The following LMBRD1 variants were observed in gnomAD, a reference collection of about 807,000 sequenced individuals.
LMBRD1 encodes the protein lysosomal cobalamin transport escort protein LMBD1.
Under a neutral mutation model 74.8 loss-of-function variants are expected in LMBRD1, and 64 were observed. The observed-to-expected ratio is 0.86, with a 90% confidence interval of 0.70 to 1.05. LMBRD1 has a LOEUF of 1.05. LMBRD1 is among the 50% of genes least tolerant of loss of function. The pLI is 0.00. For missense variants in LMBRD1, 652 were observed against 645.9 expected, an observed-to-expected ratio of 1.01 and a Z score of -0.10; for synonymous variants, 204 against 216.3, an observed-to-expected ratio of 0.94 and a Z score of 0.50.
intron 9 of LMBRD1, chr6:69,705,502 C>T (rs1766232872): frequency 1.1e-5 from 14 of 1,233,200 alleles, no homozygotes; most frequent in Middle Eastern, 2.7e-4. Flanking sequence ...GATTCTTACC[C>T]GTTTGATCTT....
In LMBRD1 at chr6:69,701,518, T is replaced by G. The variant is rs1766129690; in HGVS notation, c.1008A>C (p.Gly336=). 1 of 1,604,902 alleles carries G rather than the reference T, an allele frequency of 6.2e-7. No homozygotes were observed. The highest frequency in any genetic ancestry group is 1.7e-5 in the Admixed American group (1 of 59,556). The stretch of plus-strand genomic sequence containing the variant: ...CAAAAATTATGAAACCAGAATCTAT[T>G]CCAGCTGAATGAAGAGCTTTATCTA... ...SNLDKALHSA[G]IDSGFIIFGA... The change falls in exon 11 of 16, where the codon GGA becomes GGC. Residue 336 remains glycine (G), a synonymous_variant. Transcript: ENST00000649934.
At chr6:69,741,160 T>A (rs190054088) in intron 6 of LMBRD1, among the ~76,000 whole-genome samples, 1 of 152,280 alleles carries the variant, frequency 6.6e-6, no homozygotes, top group Non-Finnish European at 1.5e-5. Flanking sequence ...TTATTTTATA[T>A]TATCCTAAGT....
chr6:69,692,408 CA>C (rs1765906415), intron 14 of LMBRD1, among the ~76,000 whole-genome samples: 1 of 152,038 alleles, frequency 6.6e-6, no homozygotes, highest in Non-Finnish European at 1.5e-5. Flanking sequence ...CCAAATAAGA[CA>C]ACACAAGTTT....
At position 69,675,331 on chromosome 6, in the gene LMBRD1, T is replaced by C. The variant is rs1026441; in HGVS notation, c.*827A>G. On this transcript the variant is annotated 3_prime_UTR_variant, in exon 16 of 16. Transcript: ENST00000649934. ...TGTTCAAAATACCCTACTGATGTCATACAGCTTTCATTACATCTTTTGCAA... is the reference window on the plus strand; with the variant it reads ...TGTTCAAAATACCCTACTGATGTCACACAGCTTTCATTACATCTTTTGCAA... 0.34 allele frequency among the ~76,000 whole-genome samples: 51,512 copies of C among 152,044 alleles called. 9,797 individuals are homozygous for C. The highest frequency in any genetic ancestry group is 0.54 in the East Asian group (2,805 of 5,162).
intron 9 of LMBRD1, 48 bp downstream of exon 9, chr6:69,713,597 A>C (rs772512666): frequency 6.3e-7 from 1 of 1,596,598 alleles, no homozygotes; most frequent in Non-Finnish European, 8.6e-7. Context: ...GAGGTACTAC[A>C]TAAACTTGGG....
rs564100161 is a variant in LMBRD1 at position 69,768,898 on chromosome 6, A to G, written c.307+11596T>C. Among the ~76,000 whole-genome samples, 188 of 151,658 alleles carry G rather than the reference A, an allele frequency of 1.2e-3. 1 individual carries two copies. The highest frequency in any genetic ancestry group is 4.4e-3 in the African/African-American group (183 of 41,338). On this transcript the variant is annotated intron_variant, in intron 3 of 15. Transcript: ENST00000649934. ...TGCCCTCTGGTGTCCACTATTTCAC[A>G]TTAGAAGTTAGTCACTAATCATAAA...
chr6:69,755,502 G>C (rs989530570), intron 3 of LMBRD1, among the ~76,000 whole-genome samples: 1 of 150,662 alleles, frequency 6.6e-6, no homozygotes, highest in East Asian at 2.0e-4. Flanking sequence ...AAACCTAGAT[G>C]ATGAGTTGAC....
intron 7 of LMBRD1, among the ~76,000 whole-genome samples, chr6:69,725,298 C>G (rs1199306345): frequency 1.3e-5 from 2 of 151,552 alleles, no homozygotes; most frequent in Non-Finnish European, 2.9e-5. Flanking sequence ...AAGCAACCTA[C>G]AGATTCAATG....
chr6:69,695,451 CAT>C, intron 14 of LMBRD1, among the ~76,000 whole-genome samples: 1 of 152,174 alleles, frequency 6.6e-6, no homozygotes, highest in Non-Finnish European at 1.5e-5. Flanking sequence ...TACAGGAACT[CAT>C]ATGTACCCCT....
At chr6:69,782,353 T>C (rs902873096) in intron 2 of LMBRD1, among the ~76,000 whole-genome samples, 11 of 152,190 alleles carry the variant, frequency 7.2e-5, no homozygotes, top group Non-Finnish European at 1.6e-4. Flanking sequence ...TGTTCAGCAA[T>C]TGTCCTAGCA....
At chr6:69,679,121 C>G (rs186760355) in intron 14 of LMBRD1, among the ~76,000 whole-genome samples, 2 of 151,810 alleles carry the variant, frequency 1.3e-5, no homozygotes, top group Admixed American at 6.6e-5. Flanking sequence ...CTTTTAGGAG[C>G]AAGGACTACC....
intron 9 of LMBRD1, among the ~76,000 whole-genome samples, chr6:69,704,715 T>C (rs1766211324): frequency 6.6e-6 from 1 of 152,134 alleles, no homozygotes; most frequent in South Asian, 2.1e-4. Flanking sequence ...ATTACTTTAT[T>C]AGTACTAAAT....
rs1352022273 is a variant in LMBRD1, at chr6:69,699,151, G to A, written c.1230C>T (p.Leu410=). Reference sequence around the variant, plus strand: ...GCAGAAGTATCATGCAGAGAAAAAGGAGTGCTTGGGGCCTGGTTCTACCTC... The same window carrying A: ...GCAGAAGTATCATGCAGAGAAAAAGAAGTGCTTGGGGCCTGGTTCTACCTC... The part of the protein sequence containing the change: ...IRRGRTRPQA[L]LFLCMILLLI... The change falls in exon 13 of 16, where the codon CTC becomes CTT. Residue 410 remains leucine (L), a synonymous_variant. Coordinates refer to ENST00000649934, the MANE Select transcript of LMBRD1 (RefSeq NM_018368.4). 3 of 1,611,794 alleles carry A rather than the reference G, an allele frequency of 1.9e-6. No individual in the cohort carries two copies. Among genetic ancestry groups the A allele is most frequent in the African/African-American group, 2.7e-5 (2 of 74,922 alleles).
chr6:69,755,588 T>TAAAAA (rs75543340), intron 3 of LMBRD1, among the ~76,000 whole-genome samples: 17 of 132,846 alleles, frequency 1.3e-4, no homozygotes, highest in East Asian at 1.3e-3. Flanking sequence ...TCCCAGAACT[T>TAAAAA]AAAAAAAAAA....
At chr6:69,689,890 A>G (rs1765840490) in intron 14 of LMBRD1, among the ~76,000 whole-genome samples, 1 of 152,068 alleles carries the variant, frequency 6.6e-6, no homozygotes, top group Non-Finnish European at 1.5e-5. Flanking sequence ...AACGAGAGAG[A>G]AAGCAGTAAA....
chr6:69,728,322 G>A (rs574208851), intron 7 of LMBRD1, among the ~76,000 whole-genome samples: 5 of 152,182 alleles, frequency 3.3e-5, no homozygotes, highest in Admixed American at 6.5e-5. Flanking sequence ...GCCGACACTC[G>A]GGATCACAAT....
chr6:69,685,934 G>A (rs1368996742), intron 14 of LMBRD1, among the ~76,000 whole-genome samples: 2 of 152,202 alleles, frequency 1.3e-5, no homozygotes, highest in Admixed American at 6.5e-5. Flanking sequence ...TCACTAAAAG[G>A]TACAGTAATT....
intron 3 of LMBRD1, among the ~76,000 whole-genome samples, chr6:69,755,363 T>C (rs747350150): frequency 1.2e-4 from 18 of 151,674 alleles, no homozygotes; most frequent in Non-Finnish European, 1.8e-4. Context: ...TTCTCACTCA[T>C]AAGTGGGAGT....
At chr6:69,678,888 A>G (rs575156180) in intron 14 of LMBRD1, among the ~76,000 whole-genome samples, 1 of 152,192 alleles carries the variant, frequency 6.6e-6, no homozygotes, top group African/African-American at 2.4e-5. Flanking sequence ...TATTTTATCA[A>G]CATATAAGAC....
Sources: gnomAD v4.1 joint callset for allele counts (sites outside exome capture counted in the v4.1 genomes callset) on GRCh38, gnomAD v4.1.1 for gene constraint, MANE v1.5 for transcripts, NCBI Gene and HGNC (gene_info 2026-07-23, HGNC 2026-07-21) for gene names.